Variants in ARMC3 observed in about 807,000 individuals in gnomAD.
ARMC3 encodes the protein armadillo repeat-containing protein 3.
In ARMC3, 74 loss-of-function variants were observed where a neutral mutation model predicts 90.3. The ratio of observed to expected loss-of-function variants is 0.82; its 90% confidence interval spans 0.68 to 0.99. The LOEUF is 0.99. ARMC3 is among the 50% of genes least tolerant of loss of function. ARMC3 has a pLI of 0.00. For synonymous variants in ARMC3, 334 were observed against 361.8 expected (o/e 0.92, Z 0.87); for missense variants, 958 against 1,042.8 (o/e 0.92, Z 1.12).
At chr10:22,981,514 C>A (rs1388713639) in intron 9 of ARMC3, 22 bp downstream of exon 9, 1 of 1,613,314 alleles carries the variant, frequency 6.2e-7, no homozygotes, top group Admixed American at 1.7e-5. Context: ...GGAAACAATT[C>A]TTTTGAGCAT....
chr10:23,024,693 C>T (rs930098487), intron 16 of ARMC3, among the ~76,000 whole-genome samples: 2 of 151,910 alleles, frequency 1.3e-5, no homozygotes, highest in Admixed American at 6.6e-5. Flanking sequence ...AAGCTATGCT[C>T]AAAAAGCCAT....
chr10:23,008,246 A>G (rs1196835137), intron 14 of ARMC3, 30 bp from the exon 15 acceptor site: 2 of 1,113,440 alleles, frequency 1.8e-6, no homozygotes, highest in South Asian at 1.5e-5. Flanking sequence ...ATTTTAATCT[A>G]TATATAATTT....
At chr10:23,032,310 C>G (rs1282194598) in intron 17 of ARMC3, among the ~76,000 whole-genome samples, 1 of 151,890 alleles carries the variant, frequency 6.6e-6, no homozygotes, top group Non-Finnish European at 1.5e-5. Flanking sequence ...CTTCCTTGCT[C>G]CTGACTTCAG....
chr10:22,952,949 G>C (rs1469179541), intron 3 of ARMC3, among the ~76,000 whole-genome samples: 2 of 152,174 alleles, frequency 1.3e-5, no homozygotes, highest in Non-Finnish European at 2.9e-5. Context: ...AGAATCCCTG[G>C]AAGCTATGAA....
chr10:23,028,962 A>G lies in ARMC3; in HGVS notation c.2046-1634A>G, dbSNP rs1838818101. Reference sequence around the variant, plus strand: ...TTAGGTCCTCCAGCCAGAAAACTTTATTTACCTTGATCTACTGCACTCTTG... The same window carrying G: ...TTAGGTCCTCCAGCCAGAAAACTTTGTTTACCTTGATCTACTGCACTCTTG... On this transcript the variant is annotated intron_variant, in intron 16 of 18. Coordinates refer to ENST00000298032, the MANE Select transcript of ARMC3 (RefSeq NM_173081.5). Among the ~76,000 whole-genome samples, 4 of 152,082 alleles carry G rather than the reference A, an allele frequency of 2.6e-5. 1 individual carries two copies. In the South Asian group the frequency reaches 8.3e-4, roughly 31 times the overall value.
intron 10 of ARMC3, among the ~76,000 whole-genome samples, chr10:22,990,422 CAA>C (rs1564375909): frequency 6.6e-6 from 1 of 152,192 alleles, no homozygotes; most frequent in African/African-American, 2.4e-5. Flanking sequence ...TGCACACACA[CAA>C]GTTTTACAAT....
intron 8 of ARMC3, among the ~76,000 whole-genome samples, chr10:22,980,358 A>T (rs978763932): frequency 1.3e-5 from 2 of 152,118 alleles, no homozygotes; most frequent in Non-Finnish European, 2.9e-5. Flanking sequence ...TTTTTGAAGG[A>T]ACCAAATTAT....
intron 2 of ARMC3, among the ~76,000 whole-genome samples, chr10:22,945,730 T>A (rs1277868057): frequency 6.6e-6 from 1 of 152,234 alleles, no homozygotes; most frequent in Admixed American, 6.5e-5. Context: ...GATAAACATC[T>A]GTCATGTGCC....
chr10:22,990,081 T>C (rs1316471595), intron 10 of ARMC3, among the ~76,000 whole-genome samples: 1 of 152,234 alleles, frequency 6.6e-6, no homozygotes, highest in East Asian at 1.9e-4. Flanking sequence ...TTGCATAACC[T>C]CGTTTTAAAG....
At chr10:23,035,207 A>G (rs531411678) in intron 18 of ARMC3, among the ~76,000 whole-genome samples, 54 of 152,160 alleles carry the variant, frequency 3.5e-4, no homozygotes, top group South Asian at 2.9e-3. Context: ...GAGAGCAAGC[A>G]TGCTCTCCTG....
In ARMC3 at chr10:23,006,937, A is replaced by G; in HGVS notation, c.1785A>G (p.Pro595=). Residue 595 remains proline (P), a synonymous_variant, in exon 14 of 19, where the codon CCA becomes CCG. Transcript: ENST00000298032. The part of the protein sequence containing the change: ...LPLKELCLQE[P]SDLRAVLLIN... ...TGAAGGAGCTCTGCTTACAAGAACC[A>G]AGTGACCTACGGGCTGTACTCTTAA... 1.2e-6 allele frequency: 2 copies of G among 1,613,878 alleles called. No homozygotes were observed. Among genetic ancestry groups the G allele is most frequent in the Non-Finnish European group, 1.7e-6 (2 of 1,179,918 alleles).
intron 3 of ARMC3, among the ~76,000 whole-genome samples, chr10:22,948,573 C>T (rs1275801299): frequency 6.6e-6 from 1 of 151,548 alleles, no homozygotes; most frequent in African/African-American, 2.4e-5. Context: ...TTGGTGGAAA[C>T]AATGAAGAAA....
chr10:22,948,610 T>G (rs1221923576), intron 3 of ARMC3, among the ~76,000 whole-genome samples: 2 of 151,950 alleles, frequency 1.3e-5, no homozygotes, highest in African/African-American at 4.8e-5. Flanking sequence ...AAATAACAGT[T>G]GACAAGACCA....
chr10:23,024,214 T>C (rs1032318569), intron 16 of ARMC3, among the ~76,000 whole-genome samples: 1 of 152,164 alleles, frequency 6.6e-6, no homozygotes, highest in Non-Finnish European at 1.5e-5. Context: ...CAACCACAAG[T>C]ATCTGGTGAA....
At chr10:23,016,836 C>T (rs1838294975) in intron 16 of ARMC3, among the ~76,000 whole-genome samples, 1 of 152,198 alleles carries the variant, frequency 6.6e-6, no homozygotes, top group Non-Finnish European at 1.5e-5. Flanking sequence ...CATCAGGCAG[C>T]ACGCTCTGTG....
intron 2 of ARMC3, among the ~76,000 whole-genome samples, chr10:22,938,940 T>G (rs2131153451): frequency 6.6e-6 from 1 of 152,328 alleles, no homozygotes; most frequent in Admixed American, 6.5e-5. Flanking sequence ...TGTATTATTT[T>G]CTTTAGAAAT....
At chr10:22,985,160 C>T (rs932312733) in intron 10 of ARMC3, among the ~76,000 whole-genome samples, 25 of 148,368 alleles carry the variant, frequency 1.7e-4, no homozygotes, top group African/African-American at 4.5e-4. Flanking sequence ...TCCCAAAGTG[C>T]TGGGATTACA....
chr10:23,032,018 A>G (rs899376), intron 17 of ARMC3, among the ~76,000 whole-genome samples: 135,210 of 152,172 alleles, frequency 0.89, 60,734 homozygotes, highest in Non-Finnish European at 0.95. Flanking sequence ...TTGGGAGGCC[A>G]AGATGGGAAG....
At position 23,008,258 on chromosome 10, in the gene ARMC3, A is replaced by T. The variant is rs1837725270; in HGVS notation, c.1830-18A>T. The stretch of plus-strand genomic sequence containing the variant: ...ATAATTTTAATCTATATATAATTTT[A>T]AATGTGTAAAATTTTAGTTCTCCAC... On this transcript the variant is annotated intron_variant, in intron 14 of 18. Transcript: ENST00000298032. 3.2e-6 allele frequency: 4 copies of T among 1,257,746 alleles called. No individual in the cohort carries two copies. In the East Asian group the frequency reaches 1.0e-4, roughly 32 times the overall value. The allele number at this position is 1,257,746 out of a possible 1,614,324, so 77.9% of individuals were successfully genotyped here.
Sources: gnomAD v4.1 joint callset for allele counts (sites outside exome capture counted in the v4.1 genomes callset) on GRCh38, gnomAD v4.1.1 for gene constraint, MANE v1.5 for transcripts, NCBI Gene and HGNC (gene_info 2026-07-23, HGNC 2026-07-21) for gene names.